Variants in TTN observed in about 807,000 individuals in gnomAD.
The protein encoded by TTN is connectin.
TTN carries 1,525 observed loss-of-function variants against 3,223.0 expected under a neutral mutation model. That is an observed-to-expected ratio of 0.47 (90% confidence interval 0.45 to 0.49). TTN has a LOEUF of 0.49. TTN is among the 20% of genes least tolerant of loss of function. The pLI is 0.00. For missense variants in TTN, 40,786 were observed against 43,424.0 expected (o/e 0.94, Z 5.40); for synonymous variants, 14,094 against 15,161.0 (o/e 0.93, Z 5.17).
chr2:178,799,401 C>T, intron 6 of TTN, 86 bp downstream of exon 6: 1 of 1,604,214 alleles, frequency 6.2e-7, no homozygotes, highest in Non-Finnish European at 8.5e-7. Flanking sequence ...CGTCGCATGC[C>T]CTGCGAGGGG....
rs373842558 is a variant in TTN, at chr2:178,727,340, G to T, written c.20025C>A (p.Ala6675=). Residue 6675 remains alanine, a synonymous_variant, in exon 69 of 363, where the codon GCC becomes GCA. Coordinates refer to ENST00000589042, the MANE Select transcript of TTN (RefSeq NM_001267550.2). Reference sequence around the variant, plus strand: ...AGTCACCTGCTTTCACAATTTTGGAGGCTTCTAATTTCTTTACAAACTTTG... The same window carrying T: ...AGTCACCTGCTTTCACAATTTTGGATGCTTCTAATTTCTTTACAAACTTTG... The part of the protein sequence containing the change: ...EPPKFVKKLE[A]SKIVKAGDSS... 206 of 1,606,204 alleles carry T rather than the reference G, an allele frequency of 1.3e-4. No homozygotes were observed. The African/African-American group carries it at 2.6e-3, about 20-fold the overall frequency.
chr2:178,684,514 G>C, intron 131 of TTN, 101 bp from the exon 132 acceptor site: 1 of 1,393,796 alleles, frequency 7.2e-7, no homozygotes, highest in Non-Finnish European at 9.9e-7. Context: ...AATTTACAAG[G>C]CACACACACA....
chr2:178,775,637 T>C lies in TTN; in HGVS notation c.6227A>G (p.Glu2076Gly), dbSNP rs397517680. ...PDKIELSPSM[E>G]APKIFERIQS... ...GATTCTTTCGAAGATTTTTGGAGCC[T>C]CCATACTAGGACTTAGTTCAATCTT... The change falls in exon 28 of 363, where the codon GAG becomes GGG. Residue 2076 changes from glutamate (E) to glycine (G), a missense_variant. By Grantham distance (98) the Glu-to-Gly change is moderately conservative. Coordinates refer to ENST00000589042, the MANE Select transcript of TTN (RefSeq NM_001267550.2). 1.2e-6 allele frequency: 2 copies of C among 1,614,106 alleles called. No individual in the cohort carries two copies. Among genetic ancestry groups the C allele is most frequent in the Middle Eastern group, 1.6e-4 (1 of 6,062 alleles).
At position 178,532,502 on chromosome 2, in the gene TTN, G is replaced by A; in HGVS notation, c.104113C>T (p.Leu34705Phe). Reference protein sequence around the residue: ...PPSRSPPHFELSSLRYSSPQA... With the variant: ...PPSRSPPHFEFSSLRYSSPQA... ...GGTGAAGAGTAACGTAGGCTAGAAA[G>A]CTCAAAGTGTGGAGGGCTTCGACTT... The change falls in exon 358 of 363, where the codon CTT becomes TTT. Residue 34705 changes from leucine (L) to phenylalanine (F), a missense_variant. Physicochemically the swap from Leu to Phe is conservative, Grantham distance 22 (BLOSUM62 0). Transcript: ENST00000589042. The A allele has an allele frequency of 3.7e-6, 6 of 1,613,972 alleles. No homozygotes were observed. Among genetic ancestry groups the A allele is most frequent in the Non-Finnish European group, 5.1e-6 (6 of 1,179,864 alleles).
intron 113 of TTN, 118 bp downstream of exon 113, chr2:178,697,003 A>G: frequency 2.3e-6 from 2 of 884,048 alleles, no homozygotes; most frequent in East Asian, 5.6e-5. Context: ...AATTTAACAC[A>G]GCAGAGGAGA....
chr2:178,795,157 G>T lies in TTN; in HGVS notation c.1010C>A (p.Thr337Lys). Residue 337 changes from threonine (T) to lysine (K), a missense_variant, in exon 7 of 363, where the codon ACA becomes AAA. Physicochemically the swap from Thr to Lys is moderately conservative, Grantham distance 78 (BLOSUM62 -1). Coordinates refer to ENST00000589042, the MANE Select transcript of TTN (RefSeq NM_001267550.2). ...CCAAGGGGGAGGCACTTCAGGACCT[G>T]TGGCCACGGTGGATGCCTGAGTCTT... ...MRKTQASTVA[T>K]GPEVPPPWKQ... 6.2e-7 allele frequency: 1 copy of T among 1,614,166 alleles called. No homozygotes were observed. Among genetic ancestry groups the T allele is most frequent in the Non-Finnish European group, 8.5e-7 (1 of 1,180,018 alleles).
intron 6 of TTN, chr2:178,799,269 C>G: frequency 1.5e-6 from 1 of 658,648 alleles, no homozygotes; most frequent in Non-Finnish European, 2.5e-6. Flanking sequence ...CCCTGAGACC[C>G]TAGTAGGCAG....
At position 178,733,580 on chromosome 2, in the gene TTN, T is replaced by C. The variant is rs747356499; in HGVS notation, c.15775+34A>G. 3 of 1,596,812 alleles carry C rather than the reference T, an allele frequency of 1.9e-6. No individual in the cohort carries two copies. In the Admixed American group the frequency reaches 5.1e-5, roughly 27 times the overall value. The stretch of plus-strand genomic sequence containing the variant: ...GTTAGGGTTTCACTTTAATTCTAAA[T>C]AGCAATTTGAGGTTTAAATGTTCCT... On this transcript the variant is annotated intron_variant, in intron 53 of 362. Transcript: ENST00000589042.
rs540161344 is a variant in TTN, at chr2:178,574,409, C to T, written c.71723G>A (p.Gly23908Asp). Residue 23908 changes from glycine (G) to aspartate (D), a missense_variant, in exon 326 of 363, where the codon GGC becomes GAC. Transcript: ENST00000589042. ...EFRVIAENMA[G>D]KSKPSKPSEP... is the part of the protein sequence containing the mutation. Reference sequence around the variant, plus strand: ...TGATGGCTTGCTTGGCTTACTTTTGCCTGCCATGTTTTCTGCAATCACCCG... The same window carrying T: ...TGATGGCTTGCTTGGCTTACTTTTGTCTGCCATGTTTTCTGCAATCACCCG... 43 of 1,613,396 alleles carry T rather than the reference C, an allele frequency of 2.7e-5. No individual in the cohort carries two copies. In the African/African-American group the frequency reaches 5.1e-4, roughly 19 times the overall value.
Position 178,552,163 on chromosome 2 carries a change from C to T in TTN, c.90737G>A (p.Trp30246Ter), listed in dbSNP as rs2154151058. ...EIKADSVILSWDVPEDNGGGE... is the reference protein window; with the variant it reads ...EIKADSVILS ...TCCTCCATTATCTTCAGGTACATCC[C>T]ATGACAGGATGACACTATCAGCCTT... The change falls in exon 335 of 363, where the codon TGG becomes TAG. Residue 30246 changes from tryptophan (W) to a stop codon, truncating the protein, a stop_gained. Coordinates refer to ENST00000589042, the MANE Select transcript of TTN (RefSeq NM_001267550.2). LOFTEE classifies it high-confidence loss of function. 1 of 1,613,828 alleles carries T rather than the reference C, an allele frequency of 6.2e-7. No homozygotes were observed. The highest frequency in any genetic ancestry group is 8.5e-7 in the Non-Finnish European group (1 of 1,179,804).
In TTN at chr2:178,549,153, G is replaced by A. The variant is rs1321331072; in HGVS notation, c.92473C>T (p.Pro30825Ser). 3 of 1,613,794 alleles carry A rather than the reference G, an allele frequency of 1.9e-6. No homozygotes were observed. In the Admixed American group the frequency reaches 5.0e-5, roughly 27 times the overall value. The change falls in exon 339 of 363, where the codon CCC becomes TCC. Residue 30825 changes from proline to serine, a missense_variant. Physicochemically the swap from Pro to Ser is moderately conservative, Grantham distance 74. Transcript: ENST00000589042. The part of the protein sequence containing the change: ...CREPVNPPGP[P>S]TVVKVTDTSK... ...GTGTCTGTTACTTTGACCACTGTGG[G>A]AGGACCTGGTGGGTTGACGGGCTCT...
rs1553675991 is a variant in TTN at position 178,602,458 on chromosome 2, CCTT to C, written c.54941_54943del (p.Glu18314del). 3 of 1,612,354 alleles carry C rather than the reference CCTT, an allele frequency of 1.9e-6. No individual in the cohort carries two copies. The highest frequency in any genetic ancestry group is 2.5e-6 in the Non-Finnish European group (3 of 1,179,108). On this transcript the variant is annotated inframe_deletion, in exon 283 of 363. Coordinates refer to ENST00000589042, the MANE Select transcript of TTN (RefSeq NM_001267550.2). ...ATTTACTCTTTTCCAGTCAGTAGTA[CCTT>C]CTTCTTGCATTTCTACAATGTATCC...
chr2:178,684,352 T>C lies in TTN; in HGVS notation c.32700A>G (p.Lys10900=). The C allele has an allele frequency of 1.2e-6, 2 of 1,613,504 alleles. No homozygotes were observed. Among genetic ancestry groups the C allele is most frequent in the Non-Finnish European group, 1.7e-6 (2 of 1,179,618 alleles). Residue 10900 remains lysine (K), a synonymous_variant, in exon 132 of 363, where the codon AAA becomes AAG. Transcript: ENST00000589042. ...TACCTCTTGCTTTTGGAGGCGCCTC[T>C]TTTTTAGTTACAGCAACAAGAACTT... ...EEKVLVAVTK[K]EAPPKARVPE...
chr2:178,747,427 T>C (rs1368185331), intron 47 of TTN: 1 of 1,613,314 alleles, frequency 6.2e-7, no homozygotes, highest in East Asian at 2.2e-5. Context: ...CAACAGATGA[T>C]GGTGGGGTAT....
intron 140 of TTN, 55 bp from the exon 141 acceptor site, chr2:178,679,737 G>A (rs2068903385): frequency 6.4e-7 from 1 of 1,555,032 alleles, no homozygotes. Context: ...AATAAAATGT[G>A]AAAAGCACCT....
chr2:178,542,922 A>G lies in TTN; in HGVS notation c.96932T>C (p.Met32311Thr). The change falls in exon 348 of 363, where the codon ATG becomes ACG. Residue 32311 changes from methionine (M) to threonine (T), a missense_variant. By Grantham distance (81) the Met-to-Thr change is moderately conservative. Transcript: ENST00000589042. Reference protein sequence around the residue: ...RVLPTIDLSTMPQKTIHVPAG... With the variant: ...RVLPTIDLSTTPQKTIHVPAG... The stretch of plus-strand genomic sequence containing the variant: ...TGGGACATGGATGGTCTTCTGAGGC[A>G]TTGTAGAAAGATCGATTGTTGGCAA... 1 of 1,607,680 alleles carries G rather than the reference A, an allele frequency of 6.2e-7. No homozygotes were observed. The highest frequency in any genetic ancestry group is 8.5e-7 in the Non-Finnish European group (1 of 1,175,274).
chr2:178,529,017 T>C lies in TTN; in HGVS notation c.106734A>G (p.Lys35578=). The part of the protein sequence containing the change: ...SKVLISEEVK[K]SAATSLEKSI... ...ATTTTTCCAGGGAGGTTGCTGCTGA[T>C]TTCTTGACTTCTTCAGAAATCAGAA... is the stretch of plus-strand genomic sequence containing the variant. The change falls in exon 360 of 363, where the codon AAA becomes AAG. Residue 35578 remains lysine (K), a synonymous_variant. Transcript: ENST00000589042. 6.2e-7 allele frequency: 1 copy of C among 1,614,024 alleles called. No homozygotes were observed. Among genetic ancestry groups the C allele is most frequent in the Non-Finnish European group, 8.5e-7 (1 of 1,179,872 alleles).
In TTN at chr2:178,578,692, G is replaced by A. The variant is rs764562311; in HGVS notation, c.68248C>T (p.Pro22750Ser). ...TCGTGTCTGACATCCACAATATTGG[G>A]AGGTGGGGGAGCATCAGGCACATCT... The part of the protein sequence containing the change: ...PFDVPDAPPP[P>S]NIVDVRHDSV... Residue 22750 changes from proline (P) to serine (S), a missense_variant, in exon 321 of 363, where the codon CCC (proline) becomes TCC (serine). Pro to Ser is a moderately conservative substitution (Grantham distance 74, BLOSUM62 -1). Coordinates refer to ENST00000589042, the MANE Select transcript of TTN (RefSeq NM_001267550.2). The A allele has an allele frequency of 6.2e-6, 10 of 1,611,448 alleles. No individual in the cohort carries two copies. Among genetic ancestry groups the A allele is most frequent in the Admixed American group, 3.3e-5 (2 of 59,742 alleles).
In TTN at chr2:178,766,497, T is replaced by C. The variant is rs1238502159; in HGVS notation, c.9587A>G (p.Tyr3196Cys). The C allele has an allele frequency of 3.1e-6, 5 of 1,613,994 alleles. No homozygotes were observed. The highest frequency in any genetic ancestry group is 4.2e-6 in the Non-Finnish European group (5 of 1,179,992). The part of the protein sequence containing the change: ...INFQVQERHK[Y>C]VVERRIHRMF... ...TCGGTGGATTCTTCTTTCCACTACA[T>C]ATTTGTGTCGTTCTTGAACTTGGAA... The change falls in exon 41 of 363, where the codon TAT becomes TGT. Residue 3196 changes from tyrosine (Y) to cysteine (C), a missense_variant. Physicochemically the swap from Tyr to Cys is radical, Grantham distance 194. Coordinates refer to ENST00000589042, the MANE Select transcript of TTN (RefSeq NM_001267550.2).
Sources: gnomAD v4.1 joint callset for allele counts on GRCh38, gnomAD v4.1.1 for gene constraint, MANE v1.5 for transcripts, NCBI Gene and HGNC (gene_info 2026-07-23, HGNC 2026-07-21) for gene names.